The following ANKRD11 variants were observed in gnomAD, a reference collection of about 807,000 sequenced individuals.
ANKRD11 encodes the protein ankyrin repeat domain 11.
In ANKRD11, 17 loss-of-function variants were observed where a neutral mutation model predicts 195.7. That is an observed-to-expected ratio of 0.09 (90% CI 0.06 to 0.13). The LOEUF (loss-of-function observed/expected upper bound fraction) is 0.13. Ranked by LOEUF, ANKRD11 falls within the 10% of genes least tolerant of loss-of-function variation. ANKRD11 has a pLI of 1.00. For missense variants in ANKRD11, 3,735 were observed against 3,566.1 expected, an observed-to-expected ratio of 1.05 and a Z score of -1.21; for synonymous variants, 1,953 against 1,528.1, an observed-to-expected ratio of 1.28 and a Z score of -6.49.
chr16:89,288,815 G>T, intron 6 of ANKRD11, 145 bp from the exon 7 acceptor site: 1 of 1,100,918 alleles, frequency 9.1e-7, no homozygotes, highest in Non-Finnish European at 1.3e-6. Flanking sequence ...GTTTAGGGAA[G>T]CAGGTGCTGG....
Position 89,282,231 on chromosome 16 carries a change from A to C in ANKRD11, c.4311T>G (p.Pro1437=), listed in dbSNP as rs1597452169. ...KKDKNDSERE[P]SKKIEKELKP... Reference sequence around the variant, plus strand: ...TTAGTTCCTTTTCTATTTTCTTGGAAGGTTCTCTCTCGGAATCATTTTTAT... The same window carrying C: ...TTAGTTCCTTTTCTATTTTCTTGGACGGTTCTCTCTCGGAATCATTTTTAT... Residue 1437 remains proline, a synonymous_variant, in exon 9 of 13, where the codon CCT becomes CCG. Transcript: ENST00000301030. The C allele has an allele frequency of 6.2e-7, 1 of 1,613,550 alleles. No homozygotes were observed. Among genetic ancestry groups the C allele is most frequent in the South Asian group, 1.1e-5 (1 of 91,072 alleles).
chr16:89,278,504 T>C (rs1007967073), intron 9 of ANKRD11: 1 of 455,856 alleles, frequency 2.2e-6, no homozygotes, highest in Non-Finnish European at 4.4e-6. Context: ...GAGGTAGGGA[T>C]GATGCCTGGG....
Position 89,279,065 on chromosome 16 carries a change from C to T in ANKRD11, c.7470+7G>A, listed in dbSNP as rs1378770751. The T allele has an allele frequency of 6.2e-7, 1 of 1,613,796 alleles. No homozygotes were observed. Among genetic ancestry groups the T allele is most frequent in the Non-Finnish European group, 8.5e-7 (1 of 1,179,924 alleles). ...AAGGCAGTGGCTCTCCCGGGCCCCGCACTCACCACGGGGATGTGGAGCTTG... is the reference window on the plus strand; with the variant it reads ...AAGGCAGTGGCTCTCCCGGGCCCCGTACTCACCACGGGGATGTGGAGCTTG... On this transcript the variant is annotated splice_region_variant and intron_variant, in intron 9 of 12. Transcript: ENST00000301030. This position sits in a 1 kb window ranked among gnomAD's most constrained non-coding sequence, Gnocchi z 5.6.
chr16:89,365,329 G>C (rs1050773299), intron 2 of ANKRD11, among the ~76,000 whole-genome samples: 1 of 152,140 alleles, frequency 6.6e-6, no homozygotes, highest in Non-Finnish European at 1.5e-5. Context: ...ATCAGCAGAG[G>C]CAGAGCTCTC....
intron 2 of ANKRD11, among the ~76,000 whole-genome samples, chr16:89,344,015 T>A (rs544069633): frequency 6.6e-6 from 1 of 152,190 alleles, no homozygotes; most frequent in South Asian, 2.1e-4. Flanking sequence ...TAAATATCGG[T>A]GCAGGCGGCC....
intron 11 of ANKRD11, among the ~76,000 whole-genome samples, chr16:89,273,396 T>C (rs957550010): frequency 6.6e-6 from 1 of 152,192 alleles, no homozygotes; most frequent in African/African-American, 2.4e-5. Context: ...GTCCAACTCA[T>C]GTTTTCTTTA....
chr16:89,349,861 AACACACACACACACACACACAC>A (rs34592614), intron 2 of ANKRD11, among the ~76,000 whole-genome samples: 337 of 133,240 alleles, frequency 2.5e-3, no homozygotes, highest in African/African-American at 7.7e-3. Flanking sequence ...TACTTGTTAA[AACACACACACACACACACACAC>A]ACACACACAC....
chr16:89,481,921 A>T (rs1398733626), intron 1 of ANKRD11, among the ~76,000 whole-genome samples: 3 of 139,290 alleles, frequency 2.2e-5, no homozygotes, highest in Non-Finnish European at 4.7e-5. Context: ...GCTTACAGTT[A>T]AAAAAAAAAA....
In ANKRD11 at chr16:89,326,983, A is replaced by G. The variant is rs150587338; in HGVS notation, c.-59-9905T>C. Among the ~76,000 whole-genome samples the G allele has an allele frequency of 3.8e-3, 583 of 152,040 alleles. 2 individuals carry two copies. Among genetic ancestry groups the G allele is most frequent in the African/African-American group, 0.014 (564 of 41,432 alleles). ...GGTACAGCAAGAAGTCCACTGGGCA[A>G]TGCAGAGGTGGGGAATGCAGAGGGG... On this transcript the variant is annotated intron_variant, in intron 2 of 12. Coordinates refer to ENST00000301030, the MANE Select transcript of ANKRD11 (RefSeq NM_013275.6).
intron 6 of ANKRD11, among the ~76,000 whole-genome samples, chr16:89,290,149 C>T (rs989010704): frequency 2.6e-5 from 4 of 152,374 alleles, no homozygotes; most frequent in South Asian, 4.1e-4. Flanking sequence ...GTGAACACCC[C>T]GAGCCCTGCA....
At chr16:89,463,877 G>C (rs2056788996) in intron 1 of ANKRD11, among the ~76,000 whole-genome samples, 1 of 152,068 alleles carries the variant, frequency 6.6e-6, no homozygotes, top group South Asian at 2.1e-4. Context: ...AACACCTATG[G>C]TGGAAGTTCT....
At chr16:89,384,621 G>A (rs903199690) in intron 2 of ANKRD11, among the ~76,000 whole-genome samples, 11 of 152,164 alleles carry the variant, frequency 7.2e-5, no homozygotes, top group African/African-American at 2.7e-4. Context: ...CTGCAGGAAG[G>A]AGCCTCTGCA....
chr16:89,459,436 A>G (rs2056574245), intron 1 of ANKRD11: 1 of 152,210 alleles, frequency 6.6e-6, no homozygotes, highest in Non-Finnish European at 1.5e-5. Flanking sequence ...TCCAACAAAA[A>G]AGACTAACTC....
At chr16:89,415,878 C>T (rs1284688890) in intron 2 of ANKRD11, among the ~76,000 whole-genome samples, 1 of 132,290 alleles carries the variant, frequency 7.6e-6, no homozygotes, top group African/African-American at 2.7e-5. Flanking sequence ...CAGTGAGGTC[C>T]TCAGGAGGCC....
chr16:89,327,414 G>T (rs1042630430), intron 2 of ANKRD11, among the ~76,000 whole-genome samples: 1 of 152,114 alleles, frequency 6.6e-6, no homozygotes, highest in Non-Finnish European at 1.5e-5. Context: ...CAGAAAGGAA[G>T]AAATGGAATA....
chr16:89,353,093 C>T (rs2039296625), intron 2 of ANKRD11, among the ~76,000 whole-genome samples: 1 of 152,160 alleles, frequency 6.6e-6, no homozygotes, highest in African/African-American at 2.4e-5. Flanking sequence ...TAATTAATCC[C>T]AGCACTTTGG....
At chr16:89,273,214 T>C (rs931161058) in intron 11 of ANKRD11, among the ~76,000 whole-genome samples, 13 of 152,092 alleles carry the variant, frequency 8.5e-5, no homozygotes, top group African/African-American at 3.1e-4. Context: ...TGGACACCCA[T>C]TGGAGAAATA....
intron 2 of ANKRD11, among the ~76,000 whole-genome samples, chr16:89,346,543 GAGTC>G (rs1429562408): frequency 6.6e-6 from 1 of 152,230 alleles, no homozygotes; most frequent in Admixed American, 6.5e-5. Context: ...AAAACTGTGA[GAGTC>G]ACCTTCTGAA....
intron 6 of ANKRD11, among the ~76,000 whole-genome samples, chr16:89,289,509 C>T (rs1597480527): frequency 6.6e-6 from 1 of 152,190 alleles, no homozygotes; most frequent in Non-Finnish European, 1.5e-5. Flanking sequence ...GCCCCTGGGC[C>T]GTATCAGGTC....
Sources: allele counts gnomAD v4.1 joint callset (sites outside exome capture counted in the v4.1 genomes callset), GRCh38; gene constraint gnomAD v4.1.1; non-coding constraint Gnocchi (gnomAD v3.1); transcripts MANE v1.5; gene names NCBI Gene and HGNC (gene_info 2026-07-23, HGNC 2026-07-21).